Variants in PCDH11X observed in about 807,000 individuals in gnomAD.
PCDH11X encodes the protein protocadherin-11 X-linked.
A neutral mutation model predicts 53.3 loss-of-function variants in PCDH11X; 18 were observed. The ratio of observed to expected loss-of-function variants is 0.34; its 90% CI spans 0.23 to 0.50. PCDH11X has a LOEUF of 0.50. Ranked by LOEUF, PCDH11X falls within the 20% of genes least tolerant of loss-of-function variation. The pLI, the probability that PCDH11X is intolerant of heterozygous loss-of-function variation, is 0.98. For missense variants in PCDH11X, 570 were observed against 1,032.4 expected (o/e 0.55, Z 6.14); for synonymous variants, 279 against 393.3 (o/e 0.71, Z 3.44).
At chrX:92,006,071 T>G (rs1254902383) in intron 6 of PCDH11X, among the ~76,000 whole-genome samples, 1 of 110,835 alleles carries the variant, frequency 9.0e-6, no homozygotes, top group Non-Finnish European at 1.9e-5. Context: ...GATTATTAAA[T>G]GGCTTGAGGT....
chrX:92,032,181 A>G (rs1465733362), intron 6 of PCDH11X, among the ~76,000 whole-genome samples: 1 of 110,125 alleles, frequency 9.1e-6, no homozygotes, highest in African/African-American at 3.3e-5. Flanking sequence ...TATAATGTTC[A>G]TTGTCTTGAT....
intron 8 of PCDH11X, among the ~76,000 whole-genome samples, chrX:92,333,116 C>G: frequency 9.2e-6 from 1 of 108,757 alleles, no homozygotes; most frequent in African/African-American, 3.3e-5. Context: ...GGGTTTAATG[C>G]CTACTCACAC....
intron 1 of PCDH11X, among the ~76,000 whole-genome samples, chrX:91,779,920 C>T (rs1283262395): frequency 9.0e-6 from 1 of 111,566 alleles, no homozygotes; most frequent in Non-Finnish European, 1.9e-5. Flanking sequence ...CACCGCTGCG[C>T]TTGGTTACTT....
chrX:92,445,885 TA>T (rs1462844228), intron 9 of PCDH11X, among the ~76,000 whole-genome samples: 1 of 111,215 alleles, frequency 9.0e-6, no homozygotes, highest in Non-Finnish European at 1.9e-5. Flanking sequence ...CACAAATAAC[TA>T]AAATTCAGAT....
At chrX:92,321,445 C>T (rs2069206248) in intron 8 of PCDH11X, among the ~76,000 whole-genome samples, 1 of 110,647 alleles carries the variant, frequency 9.0e-6, no homozygotes, top group Non-Finnish European at 1.9e-5. Context: ...ATCCACCTGC[C>T]TTGGCCTCCC....
intron 7 of PCDH11X, 71 bp from the exon 8 acceptor site, chrX:92,263,043 A>G: frequency 9.0e-7 from 1 of 1,115,919 alleles, no homozygotes; most frequent in Non-Finnish European, 1.2e-6. Flanking sequence ...TGCAGTAACC[A>G]AATTTGAGCT....
intron 6 of PCDH11X, among the ~76,000 whole-genome samples, chrX:91,923,607 C>T (rs1346438879): frequency 9.5e-6 from 1 of 105,446 alleles, no homozygotes; most frequent in Admixed American, 1.0e-4. Context: ...GGTTTTGGAA[C>T]TCGGACTGGC....
At chrX:91,925,575 C>G (rs2147828053) in intron 6 of PCDH11X, among the ~76,000 whole-genome samples, 1 of 110,640 alleles carries the variant, frequency 9.0e-6, no homozygotes, top group African/African-American at 3.3e-5. Flanking sequence ...TCCCTTGTTG[C>G]CAGGCACTAG....
At chrX:92,095,104 T>G (rs2064114222) in intron 6 of PCDH11X, among the ~76,000 whole-genome samples, 1 of 110,814 alleles carries the variant, frequency 9.0e-6, no homozygotes, top group Non-Finnish European at 1.9e-5. Flanking sequence ...AGTCCTCCTA[T>G]CCCCTAACCC....
chrX:92,234,625 G>A (rs1175232549), intron 7 of PCDH11X, among the ~76,000 whole-genome samples: 7 of 111,443 alleles, frequency 6.3e-5, no homozygotes, highest in Non-Finnish European at 1.3e-4. Flanking sequence ...AAAAAGCTCA[G>A]AGAATACAAA....
intron 6 of PCDH11X, among the ~76,000 whole-genome samples, chrX:91,921,253 C>G (rs1185252072): frequency 1.4e-4 from 15 of 109,972 alleles, no homozygotes; most frequent in Admixed American, 8.8e-4. Context: ...GTAACCTCCC[C>G]CATTGTCAAT....
At chrX:92,024,630 C>T (rs1296340822) in intron 6 of PCDH11X, among the ~76,000 whole-genome samples, 1 of 101,852 alleles carries the variant, frequency 9.8e-6, no homozygotes, top group African/African-American at 3.6e-5. Flanking sequence ...ATTAAACTAC[C>T]ATTGACATTC....
chrX:92,426,479 T>C (rs1162335087), intron 9 of PCDH11X, among the ~76,000 whole-genome samples: 1 of 110,107 alleles, frequency 9.1e-6, no homozygotes, highest in Non-Finnish European at 1.9e-5. Flanking sequence ...TTGGACTACA[T>C]TTTTAGGACT....
chrX:92,046,051 C>G (rs1178677777), intron 6 of PCDH11X, among the ~76,000 whole-genome samples: 7 of 111,481 alleles, frequency 6.3e-5, no homozygotes, highest in Non-Finnish European at 1.1e-4. Flanking sequence ...TAAAAATACA[C>G]CAACGATGGT....
At chrX:91,909,130 C>A (rs1430412262) in intron 6 of PCDH11X, among the ~76,000 whole-genome samples, 2 of 110,566 alleles carry the variant, frequency 1.8e-5, no homozygotes, top group African/African-American at 6.5e-5. Context: ...TTACACAGTC[C>A]TCTTCAAAAC....
intron 6 of PCDH11X, among the ~76,000 whole-genome samples, chrX:91,898,740 A>T (rs1336975640): frequency 9.5e-6 from 1 of 104,765 alleles, no homozygotes; most frequent in Admixed American, 1.1e-4. Context: ...CTATGTGACA[A>T]CACTGTAACA....
intron 7 of PCDH11X, among the ~76,000 whole-genome samples, chrX:92,213,357 C>G (rs1429774708): frequency 2.7e-5 from 3 of 111,441 alleles, no homozygotes; most frequent in African/African-American, 9.8e-5. Flanking sequence ...TTTATTCAGT[C>G]CTTATAGCAG....
intron 7 of PCDH11X, among the ~76,000 whole-genome samples, chrX:92,222,434 T>A (rs1193622946): frequency 8.9e-6 from 1 of 111,791 alleles, no homozygotes; most frequent in Non-Finnish European, 1.9e-5. Context: ...TTATAATAGA[T>A]AGTTCTCCCC....
At chrX:92,525,128 T>A (rs2074427243) in intron 10 of PCDH11X, among the ~76,000 whole-genome samples, 1 of 112,190 alleles carries the variant, frequency 8.9e-6, no homozygotes, top group Non-Finnish European at 1.9e-5. Context: ...CCTTTGTATC[T>A]ATGCAGTATT....
Sources: gnomAD v4.1 joint callset for allele counts (sites outside exome capture counted in the v4.1 genomes callset) on GRCh38, gnomAD v4.1.1 for gene constraint, MANE v1.5 for transcripts, NCBI Gene and HGNC (gene_info 2026-07-23, HGNC 2026-07-21) for gene names.